The following PITPNC1 variants were observed in gnomAD, a reference collection of about 807,000 sequenced individuals.
PITPNC1 encodes the protein phosphatidylinositol transfer protein cytoplasmic 1.
Under a neutral mutation model 44.7 loss-of-function variants are expected in PITPNC1, and 18 were observed. The observed-to-expected ratio is 0.40, with a 90% CI of 0.28 to 0.60. The LOEUF is 0.60. PITPNC1 is among the 20% of genes least tolerant of loss of function. PITPNC1 has a pLI of 0.39. For synonymous variants in PITPNC1, 141 were observed against 149.6 expected (o/e 0.94, Z 0.42); for missense variants, 290 against 418.4 (o/e 0.69, Z 2.68).
chr17:67,404,242 A>G (rs573099480), intron 1 of PITPNC1, among the ~76,000 whole-genome samples: 60 of 152,374 alleles, frequency 3.9e-4, no homozygotes, highest in Non-Finnish European at 7.1e-4. Context: ...AATTAAGAAT[A>G]TGAACATTCT....
At chr17:67,527,145 T>C (rs1254561353) in intron 1 of PITPNC1, among the ~76,000 whole-genome samples, 1 of 152,250 alleles carries the variant, frequency 6.6e-6, no homozygotes, top group East Asian at 1.9e-4. Context: ...ACTCATCTTC[T>C]GCAATAGCAA....
intron 1 of PITPNC1, among the ~76,000 whole-genome samples, chr17:67,403,577 G>T (rs898628178): frequency 6.6e-6 from 1 of 152,234 alleles, no homozygotes; most frequent in Admixed American, 6.5e-5. Flanking sequence ...GAACATTCTA[G>T]TGGGCCAGGC....
intron 2 of PITPNC1, among the ~76,000 whole-genome samples, chr17:67,541,468 T>TACACACACAC (rs3051696): frequency 1.3e-5 from 2 of 149,488 alleles, no homozygotes; most frequent in African/African-American, 2.5e-5. Context: ...CAATTATACA[T>TACACACACAC]ACACACACAC....
chr17:67,426,981 A>G (rs1463752473), intron 1 of PITPNC1, among the ~76,000 whole-genome samples: 3 of 152,130 alleles, frequency 2.0e-5, no homozygotes, highest in Admixed American at 1.3e-4. Flanking sequence ...CCATGCTTAC[A>G]TGCACCTCTC....
chr17:67,622,312 C>A (rs2041842408), intron 5 of PITPNC1, among the ~76,000 whole-genome samples: 1 of 148,906 alleles, frequency 6.7e-6, no homozygotes, highest in South Asian at 2.1e-4. Flanking sequence ...TAAAGAGTAT[C>A]TTTTTTATTC....
At chr17:67,505,647 T>A (rs1294823833) in intron 1 of PITPNC1, among the ~76,000 whole-genome samples, 2 of 152,116 alleles carry the variant, frequency 1.3e-5, no homozygotes, top group East Asian at 3.9e-4. Flanking sequence ...TATAGTTGGG[T>A]CTTTTTTTTA....
At chr17:67,468,107 TAG>T (rs985401808) in intron 1 of PITPNC1, among the ~76,000 whole-genome samples, 3 of 152,078 alleles carry the variant, frequency 2.0e-5, no homozygotes, top group Non-Finnish European at 4.4e-5. Context: ...TAAAAGAAAC[TAG>T]AGAGTGTGAC....
At chr17:67,427,611 A>G (rs1188442290) in intron 1 of PITPNC1, among the ~76,000 whole-genome samples, 1 of 152,226 alleles carries the variant, frequency 6.6e-6, no homozygotes, top group Non-Finnish European at 1.5e-5. Context: ...TTCATTACAC[A>G]TGAACATTGG....
chr17:67,527,706 C>CA lies in PITPNC1; in HGVS notation c.49-5088dup, dbSNP rs1287291429. On this transcript the variant is annotated intron_variant, in intron 1 of 8. Coordinates refer to ENST00000581322, the MANE Select transcript of PITPNC1 (RefSeq NM_012417.4). The stretch of plus-strand genomic sequence containing the variant: ...ACAGAGCGAGACTCCATCTCAAAAA[C>CA]AAAAAAAAGGAATATAGGCTGGGTG... Among the ~76,000 whole-genome samples the CA allele has an allele frequency of 4.0e-5, 6 of 149,836 alleles. No individual in the cohort carries two copies. In the East Asian group the frequency reaches 5.9e-4, roughly 15 times the overall value.
chr17:67,605,078 CAAAAT>C (rs919293054), intron 5 of PITPNC1, among the ~76,000 whole-genome samples: 3 of 151,884 alleles, frequency 2.0e-5, no homozygotes, highest in Non-Finnish European at 4.4e-5. Flanking sequence ...GATTCTGTCT[CAAAAT>C]AAAATAAAAT....
chr17:67,630,869 G>A lies in PITPNC1; in HGVS notation c.367-1274G>A, dbSNP rs538159458. ...TGGGATTACAGGTGTGCAGCATCAC[G>A]CCCGGCTAATTTTTGTATTTTTGGT... On this transcript the variant is annotated intron_variant, in intron 5 of 8. Coordinates refer to ENST00000581322, the MANE Select transcript of PITPNC1 (RefSeq NM_012417.4). Among the ~76,000 whole-genome samples the A allele has an allele frequency of 9.9e-5, 15 of 151,260 alleles. No homozygotes were observed. The East Asian group carries it at 2.2e-3, about 22-fold the overall frequency.
rs182464172 is a variant in PITPNC1, at chr17:67,532,808, A to G, written c.55A>G (p.Ile19Val). 3.2e-6 allele frequency: 5 copies of G among 1,562,942 alleles called. No individual in the cohort carries two copies. In the East Asian group the frequency reaches 1.2e-4, roughly 37 times the overall value. Residue 19 changes from isoleucine (I) to valine (V), a missense_variant, in exon 2 of 9, where the codon ATT becomes GTT. Ile to Val is a conservative substitution (Grantham distance 29). Transcript: ENST00000581322. ...CMPLTVDEYKIGQLYMISKHS... is the reference protein window; with the variant it reads ...CMPLTVDEYKVGQLYMISKHS... ...CTCTGACTCTGTTTTGTAGTACAAA[A>G]TTGGACAGCTGTACATGATCAGCAA...
chr17:67,619,610 A>G (rs774588414), intron 5 of PITPNC1, among the ~76,000 whole-genome samples: 5 of 152,096 alleles, frequency 3.3e-5, no homozygotes, highest in Non-Finnish European at 5.9e-5. Context: ...GACAACATGC[A>G]CAGTGCCCGC....
intron 5 of PITPNC1, among the ~76,000 whole-genome samples, chr17:67,583,862 A>G (rs1373413690): frequency 1.6e-5 from 2 of 124,010 alleles, no homozygotes; most frequent in Admixed American, 8.3e-5. Context: ...CGCCTGGCTA[A>G]TTTTGTGTGT....
chr17:67,497,320 A>C lies in PITPNC1; in HGVS notation c.49-35482A>C, dbSNP rs561865393. Among the ~76,000 whole-genome samples the C allele has an allele frequency of 2.0e-5, 3 of 151,532 alleles. No homozygotes were observed. In the East Asian group the frequency reaches 5.8e-4, roughly 29 times the overall value. On this transcript the variant is annotated intron_variant, in intron 1 of 8. Transcript: ENST00000581322. ...CTGCAACCTCCGATTCCCCAGCCTC[A>C]GCCTCCCGAGTAGCTGGGATTAAAG...
At chr17:67,515,795 A>G (rs1317803985) in intron 1 of PITPNC1, among the ~76,000 whole-genome samples, 1 of 152,196 alleles carries the variant, frequency 6.6e-6, no homozygotes, top group Non-Finnish European at 1.5e-5. Flanking sequence ...GCTTGGAATC[A>G]CATTTGGAAA....
At chr17:67,575,344 T>C (rs1192716218) in intron 4 of PITPNC1, among the ~76,000 whole-genome samples, 3 of 151,962 alleles carry the variant, frequency 2.0e-5, no homozygotes, top group African/African-American at 7.3e-5. Context: ...AGGGCAGCGG[T>C]TATGGAGTGA....
In PITPNC1 at chr17:67,570,414, C is replaced by T. The variant is rs535295455; in HGVS notation, c.295-7772C>T. On this transcript the variant is annotated intron_variant, in intron 4 of 8. Coordinates refer to ENST00000581322, the MANE Select transcript of PITPNC1 (RefSeq NM_012417.4). The stretch of plus-strand genomic sequence containing the variant: ...CAGATCTGCTCTGTGGTTTGGCTGC[C>T]TTCCTTGCCATGGGAAGAAGCCATC... Among the ~76,000 whole-genome samples the T allele has an allele frequency of 4.6e-5, 7 of 152,326 alleles. No individual in the cohort carries two copies. In the South Asian group the frequency reaches 1.2e-3, roughly 27 times the overall value.
chr17:67,680,836 C>T (rs2042690094), intron 8 of PITPNC1, among the ~76,000 whole-genome samples: 1 of 152,160 alleles, frequency 6.6e-6, no homozygotes, highest in South Asian at 2.1e-4. Context: ...AAGAAGTATC[C>T]ATTCTTATTT....
Sources: gnomAD v4.1 joint callset for allele counts (sites outside exome capture counted in the v4.1 genomes callset) on GRCh38, gnomAD v4.1.1 for gene constraint, MANE v1.5 for transcripts, NCBI Gene and HGNC (gene_info 2026-07-23, HGNC 2026-07-21) for gene names.